WWOX: variants seen among roughly 807,000 people sequenced by gnomAD.
WWOX encodes WW domain containing oxidoreductase.
Under a neutral mutation model 46.2 loss-of-function variants are expected in WWOX, and 69 were observed. The ratio of observed to expected loss-of-function variants is 1.49; its 90% confidence interval spans 1.23 to 1.82. The LOEUF (loss-of-function observed/expected upper bound fraction) is 1.82, where lower values mean the gene tolerates loss of function less well. Among genes scored for constraint, WWOX ranks in the 40% most tolerant of loss-of-function variants. WWOX has a pLI of 0.00. For synonymous variants in WWOX, 359 were observed against 202.6 expected (o/e 1.77, Z -6.56); for missense variants, 919 against 542.6 (o/e 1.69, Z -6.89).
chr16:78,250,116 C>G (rs2037944190), intron 5 of WWOX, among the ~76,000 whole-genome samples: 1 of 152,174 alleles, frequency 6.6e-6, no homozygotes, highest in Admixed American at 6.5e-5. Flanking sequence ...CTGACTGGCC[C>G]TCTCCAAGAT....
At chr16:78,110,075 C>G (rs183892524) in intron 3 of WWOX, among the ~76,000 whole-genome samples, 1 of 151,432 alleles carries the variant, frequency 6.6e-6, no homozygotes. Context: ...GGCATGGTGG[C>G]TCATGCCTGT....
intron 8 of WWOX, among the ~76,000 whole-genome samples, chr16:79,208,063 G>A (rs999138351): frequency 6.6e-6 from 1 of 152,156 alleles, no homozygotes; most frequent in African/African-American, 2.4e-5. Context: ...CTGCAAATCT[G>A]ACAGATGATT....
At chr16:78,103,269 T>G (rs2031921824) in intron 1 of WWOX, among the ~76,000 whole-genome samples, 1 of 150,658 alleles carries the variant, frequency 6.6e-6, no homozygotes, top group African/African-American at 2.4e-5. Context: ...TTTTTTAATT[T>G]AATTTAACTT....
At chr16:78,579,453 A>C (rs568861251) in intron 8 of WWOX, among the ~76,000 whole-genome samples, 6 of 152,076 alleles carry the variant, frequency 3.9e-5, no homozygotes, top group Admixed American at 6.6e-5. Context: ...ATGGGAGGGG[A>C]GGAGCGTGAG....
intron 8 of WWOX, among the ~76,000 whole-genome samples, chr16:78,537,903 A>T (rs1005866840): frequency 8.5e-5 from 13 of 152,156 alleles, no homozygotes; most frequent in Non-Finnish European, 1.8e-4. Flanking sequence ...CCGCGGTGCC[A>T]GTGAGAGCTG....
intron 8 of WWOX, among the ~76,000 whole-genome samples, chr16:78,675,474 C>A (rs928429906): frequency 2.6e-5 from 4 of 151,998 alleles, no homozygotes; most frequent in African/African-American, 9.7e-5. Flanking sequence ...TGGGCCTTGC[C>A]ATGTTCCAGG....
intron 8 of WWOX, among the ~76,000 whole-genome samples, chr16:78,930,814 G>A (rs190806586): frequency 7.2e-5 from 11 of 152,166 alleles, no homozygotes; most frequent in Admixed American, 2.0e-4. Context: ...CTGAGTACCC[G>A]CTGTTCATAG....
intron 8 of WWOX, among the ~76,000 whole-genome samples, chr16:78,476,218 TG>T (rs1291747426): frequency 1.3e-5 from 2 of 152,236 alleles, no homozygotes; most frequent in African/African-American, 4.8e-5. Context: ...ATTTCTCTGA[TG>T]GCCAGTGATG....
chr16:78,567,200 G>A (rs574186958), intron 8 of WWOX, among the ~76,000 whole-genome samples: 42 of 152,282 alleles, frequency 2.8e-4, no homozygotes, highest in African/African-American at 6.0e-4. Flanking sequence ...ATGTCCTGAC[G>A]CTTTCCCAAA....
In WWOX at chr16:78,796,829, T is replaced by TC. The variant is rs1265813470; in HGVS notation, c.1056+364077_1056+364078insC. ...ATCCCATGTTTCTTTATCTTCTTCT[T>TC]TTTTTTTTTTTTTTTAGCCATAGTC... On this transcript the variant is annotated intron_variant, in intron 8 of 8. Coordinates refer to ENST00000566780, the MANE Select transcript of WWOX (RefSeq NM_016373.4). 4.8e-3 allele frequency among the ~76,000 whole-genome samples: 696 copies of TC among 145,190 alleles called. 6 individuals are homozygous for TC. The highest frequency in any genetic ancestry group is 0.016 in the African/African-American group (650 of 40,142).
chr16:78,453,605 T>G (rs1031037323), intron 8 of WWOX, among the ~76,000 whole-genome samples: 5 of 152,056 alleles, frequency 3.3e-5, no homozygotes, highest in Non-Finnish European at 7.4e-5. Context: ...TAGGGAGAGA[T>G]AAAACCAGCT....
intron 8 of WWOX, among the ~76,000 whole-genome samples, chr16:79,097,080 CA>C (rs1209218280): frequency 2.0e-5 from 3 of 151,492 alleles, no homozygotes; most frequent in African/African-American, 7.3e-5. Flanking sequence ...TTTTTAACTT[CA>C]ACACCAGTTA....
intron 8 of WWOX, among the ~76,000 whole-genome samples, chr16:78,567,280 T>A (rs147991495): frequency 0.019 from 2,851 of 152,038 alleles, 44 homozygotes; most frequent in South Asian, 0.042. Flanking sequence ...GCGCGGTGGC[T>A]CACGCCTGTA....
chr16:78,659,791 C>T (rs2047170721), intron 8 of WWOX, among the ~76,000 whole-genome samples: 1 of 152,118 alleles, frequency 6.6e-6, no homozygotes, highest in Non-Finnish European at 1.5e-5. Context: ...AAAGGGAGAA[C>T]AGCATTTTCT....
At chr16:78,423,354 A>G (rs1299944668) in intron 6 of WWOX, among the ~76,000 whole-genome samples, 3 of 152,192 alleles carry the variant, frequency 2.0e-5, no homozygotes, top group Non-Finnish European at 2.9e-5. Flanking sequence ...GTATTCTATC[A>G]TATGGATATA....
chr16:79,073,123 C>A (rs1053507645), intron 8 of WWOX, among the ~76,000 whole-genome samples: 7 of 149,854 alleles, frequency 4.7e-5, no homozygotes, highest in Non-Finnish European at 7.4e-5. Flanking sequence ...AGCTTTCTAT[C>A]GCTTTTTTAC....
rs148587957 is a variant in WWOX, at chr16:79,054,679, G to C, written c.1057-156929G>C. Among the ~76,000 whole-genome samples the C allele has an allele frequency of 3.2e-3, 490 of 152,192 alleles. 3 individuals are homozygous for C. Among genetic ancestry groups the C allele is most frequent in the Non-Finnish European group, 4.8e-3 (328 of 68,002 alleles). ...TCTATGAAAAAATGAAAAATAATTA[G>C]CCAGGCGTGGTGTCGTGTGTCTGTA... is the stretch of plus-strand genomic sequence containing the variant. On this transcript the variant is annotated intron_variant, in intron 8 of 8. Transcript: ENST00000566780.
intron 8 of WWOX, among the ~76,000 whole-genome samples, chr16:78,947,159 C>G (rs1257412648): frequency 1.3e-5 from 2 of 148,662 alleles, no homozygotes; most frequent in African/African-American, 2.5e-5. Flanking sequence ...AAAAATAGAT[C>G]AAAAAAGTAC....
At chr16:78,946,424 G>C (rs61085252) in intron 8 of WWOX, among the ~76,000 whole-genome samples, 5,751 of 152,148 alleles carry the variant, frequency 0.038, 137 homozygotes, top group Non-Finnish European at 0.058. Context: ...CTCCTGACCT[G>C]AGTTGATCTG....
Sources: allele counts gnomAD v4.1 joint callset (sites outside exome capture counted in the v4.1 genomes callset), GRCh38; gene constraint gnomAD v4.1.1; transcripts MANE v1.5; gene names NCBI Gene and HGNC (gene_info 2026-07-23, HGNC 2026-07-21).